LARS1: variants seen among roughly 807,000 people sequenced by gnomAD.
LARS1 encodes leucyl-tRNA synthetase 1.
A neutral mutation model predicts 162.8 loss-of-function variants in LARS1; 100 were observed. The observed-to-expected ratio is 0.61, with a 90% CI of 0.52 to 0.73. LARS1 has a LOEUF of 0.73. Ranked by LOEUF, LARS1 falls within the 30% of genes least tolerant of loss-of-function variation. The probability of loss-of-function intolerance (pLI) is 0.00; values close to 1 mark genes in which losing one functional copy is unlikely to be tolerated. For missense variants in LARS1, 1,258 were observed against 1,408.9 expected (o/e 0.89, Z 1.71); for synonymous variants, 457 against 462.8 (o/e 0.99, Z 0.16).
chr5:146,172,283 C>T (rs1412865561), intron 3 of LARS1, among the ~76,000 whole-genome samples: 3 of 152,068 alleles, frequency 2.0e-5, no homozygotes, highest in Non-Finnish European at 4.4e-5. Context: ...TTTCAGAGGC[C>T]GAGGCTGGTG....
chr5:146,114,252 G>A lies in LARS1; in HGVS notation c.3385C>T (p.Pro1129Ser), dbSNP rs765125271. 6.2e-6 allele frequency: 10 copies of A among 1,613,622 alleles called. No homozygotes were observed. The South Asian group carries it at 1.1e-4, about 18-fold the overall frequency. ...DDPLLGPRRVPVLGKEYTEKT... is the reference protein window; with the variant it reads ...DDPLLGPRRVSVLGKEYTEKT... The stretch of plus-strand genomic sequence containing the variant: ...TCGGTGTACTCCTTTCCCAGGACAG[G>A]AACTCGTCGAGGCCCCAACAGTGGA... Residue 1129 changes from proline to serine, a missense_variant, in exon 32 of 32, where the codon CCT becomes TCT. Coordinates refer to ENST00000394434, the MANE Select transcript of LARS1 (RefSeq NM_020117.11).
At chr5:146,124,691 C>G (rs929944012) in intron 28 of LARS1, among the ~76,000 whole-genome samples, 1 of 151,788 alleles carries the variant, frequency 6.6e-6, no homozygotes, top group African/African-American at 2.4e-5. Flanking sequence ...TCCTAGAGAT[C>G]CAAGTACATA....
At chr5:146,177,717 A>G (rs1410451809) in intron 1 of LARS1, 52 bp from the exon 2 acceptor site, 1 of 941,976 alleles carries the variant, frequency 1.1e-6, no homozygotes, top group African/African-American at 1.7e-5. Context: ...CGCTTGCTTT[A>G]AAAAAGAATT....
chr5:146,172,090 C>A, intron 3 of LARS1, 100 bp from the exon 4 acceptor site: 1 of 1,043,744 alleles, frequency 9.6e-7, no homozygotes, highest in Non-Finnish European at 1.4e-6. Flanking sequence ...TCTTTACATC[C>A]TCCTTTGGAA....
chr5:146,154,014 G>A (rs1265992223), intron 10 of LARS1, 34 bp from the exon 11 acceptor site: 2 of 1,394,800 alleles, frequency 1.4e-6, no homozygotes, highest in South Asian at 1.2e-5. Flanking sequence ...AAAAGGTGAA[G>A]TAATTCATTG....
chr5:146,151,693 C>T (rs1348135849), intron 14 of LARS1, among the ~76,000 whole-genome samples, 169 bp downstream of exon 14: 1 of 152,084 alleles, frequency 6.6e-6, no homozygotes, highest in Non-Finnish European at 1.5e-5. Context: ...AGGCAAAGGA[C>T]ATGATAAAAA....
At position 146,181,848 on chromosome 5, in the gene LARS1, C is replaced by CTTTTTTTTTTTTT. The variant is rs34658033; in HGVS notation, c.6+627_6+639dup. Reference sequence around the variant, plus strand: ...TTTACGGAGAGGCGCTCAATTTTTTCTTTTTTTTTTTTTTTTTTTTTTTTT... The same window carrying CTTTTTTTTTTTTT: ...TTTACGGAGAGGCGCTCAATTTTTTCTTTTTTTTTTTTTTTTTTTTTTTTTTTTTTTTTTTTTT... On this transcript the variant is annotated intron_variant, in intron 1 of 31. Transcript: ENST00000394434. Among the ~76,000 whole-genome samples, 520 of 53,018 alleles carry CTTTTTTTTTTTTT rather than the reference C, an allele frequency of 9.8e-3. 88 individuals carry two copies. Among genetic ancestry groups the CTTTTTTTTTTTTT allele is most frequent in the Middle Eastern group, 0.029 (1 of 34 alleles). The allele number at this position is 53,018 out of a possible 152,430, so 34.8% of individuals were successfully genotyped here.
rs756471679 is a variant in LARS1, at chr5:146,179,287, G to A, written c.7-1622C>T. Among the ~76,000 whole-genome samples, 22 of 151,942 alleles carry A rather than the reference G, an allele frequency of 1.4e-4. No individual in the cohort carries two copies. The South Asian group carries it at 1.5e-3, about 10-fold the overall frequency. On this transcript the variant is annotated intron_variant, in intron 1 of 31. Transcript: ENST00000394434. ...AGCAATTCTCCTGCCTCAGCCTCCCGAGCAGCTGGGATTACAGGTGCGTGC... is the reference window on the plus strand; with the variant it reads ...AGCAATTCTCCTGCCTCAGCCTCCCAAGCAGCTGGGATTACAGGTGCGTGC...
At chr5:146,170,581 G>T (rs1754218814) in intron 4 of LARS1, among the ~76,000 whole-genome samples, 1 of 152,144 alleles carries the variant, frequency 6.6e-6, no homozygotes. Context: ...ATTTCTTGGA[G>T]GGGATAACAG....
intron 19 of LARS1, 129 bp downstream of exon 19, chr5:146,143,283 T>C (rs374090546): frequency 2.0e-5 from 25 of 1,248,592 alleles, no homozygotes; most frequent in Middle Eastern, 2.0e-4. Context: ...CCCAGTTCAA[T>C]AGTAAAAAAG....
rs915598735 is a variant in LARS1, at chr5:146,175,576, A to G, written c.125+1971T>C. Among the ~76,000 whole-genome samples the G allele has an allele frequency of 2.0e-5, 3 of 150,214 alleles. No homozygotes were observed. The Admixed American group carries it at 2.0e-4, about 10-fold the overall frequency. ...AAAAAAAGGCCGGGCGCAGTGGCTC[A>G]CGCCTGTAATCCCAGCACTTTGGAA... On this transcript the variant is annotated intron_variant, in intron 2 of 31. Coordinates refer to ENST00000394434, the MANE Select transcript of LARS1 (RefSeq NM_020117.11).
In LARS1 at chr5:146,118,559, G is replaced by A. The variant is rs78418022; in HGVS notation, c.3325+1812C>T. ...AGAAATGATAAATGTTTGAGGTGATGGATATGTTAATTATCCTAATTTGAT... is the reference window on the plus strand; with the variant it reads ...AGAAATGATAAATGTTTGAGGTGATAGATATGTTAATTATCCTAATTTGAT... On this transcript the variant is annotated intron_variant, in intron 31 of 31. Transcript: ENST00000394434. Among the ~76,000 whole-genome samples the A allele has an allele frequency of 3.6e-4, 55 of 152,254 alleles. 1 individual carries two copies. The East Asian group carries it at 0.011, about 29-fold the overall frequency.
chr5:146,140,434 CTACA>C (rs1468101542), intron 20 of LARS1, among the ~76,000 whole-genome samples, 173 bp from the exon 21 acceptor site: 1 of 152,152 alleles, frequency 6.6e-6, no homozygotes, highest in Non-Finnish European at 1.5e-5. Flanking sequence ...AAAGGACTGG[CTACA>C]TAAACTAGGA....
intron 24 of LARS1, 189 bp downstream of exon 24, chr5:146,130,830 A>G (rs1003804063): frequency 2.3e-6 from 1 of 432,224 alleles, no homozygotes; most frequent in Non-Finnish European, 4.1e-6. Context: ...TTAAATGGAC[A>G]CAATAGAAAA....
rs1030926236 is a variant in LARS1, at chr5:146,113,308, C to A, written c.*798G>T. Reference sequence around the variant, plus strand: ...TCAAACTCCTGACCTCAGGTGACTGCCCACCTTGGCCTCCCAAAGTGCTGG... The same window carrying A: ...TCAAACTCCTGACCTCAGGTGACTGACCACCTTGGCCTCCCAAAGTGCTGG... On this transcript the variant is annotated 3_prime_UTR_variant, in exon 32 of 32. Transcript: ENST00000394434. 6.6e-6 allele frequency: 1 copy of A among 151,424 alleles called. No homozygotes were observed. Among genetic ancestry groups the A allele is most frequent in the East Asian group, 1.9e-4 (1 of 5,172 alleles). The allele number at this position is 151,424 out of a possible 1,614,324, so 9.4% of individuals were successfully genotyped here. A position where few individuals can be genotyped will look rare whatever the true frequency, so the allele number is the denominator to read the frequency against.
chr5:146,157,709 ATT>A lies in LARS1; in HGVS notation c.839+17_839+18del. The A allele has an allele frequency of 6.2e-7, 1 of 1,613,918 alleles. No individual in the cohort carries two copies. The highest frequency in any genetic ancestry group is 1.7e-5 in the Admixed American group (1 of 60,016). On this transcript the variant is annotated intron_variant, in intron 9 of 31. Coordinates refer to ENST00000394434, the MANE Select transcript of LARS1 (RefSeq NM_020117.11). Reference sequence around the variant, plus strand: ...CTGATGGTTCAGAAATGATAAAGCAATTACTCTGGCAAACCTACCTTAATTTA... The same window carrying A: ...CTGATGGTTCAGAAATGATAAAGCAAACTCTGGCAAACCTACCTTAATTTA...
chr5:146,172,827 CT>C lies in LARS1; in HGVS notation c.126-54del, dbSNP rs1663918049. The C allele has an allele frequency of 8.3e-6, 8 of 959,226 alleles. No homozygotes were observed. In the South Asian group the frequency reaches 1.6e-4, roughly 19 times the overall value. The allele number at this position is 959,226 out of a possible 1,614,324, so 59.4% of individuals were successfully genotyped here. A position where few individuals can be genotyped will look rare whatever the true frequency, so the allele number is the denominator to read the frequency against. On this transcript the variant is annotated intron_variant, in intron 2 of 31. Coordinates refer to ENST00000394434, the MANE Select transcript of LARS1 (RefSeq NM_020117.11). ...GTACAGAAGAATAAATGTTAAGTTC[CT>C]TTTACAATAAGGAAGTGGGGTGAAG... is the stretch of plus-strand genomic sequence containing the variant.
chr5:146,157,534 T>G lies in LARS1; in HGVS notation c.934A>C (p.Lys312Gln). The G allele has an allele frequency of 6.2e-7, 1 of 1,614,148 alleles. No individual in the cohort carries two copies. The highest frequency in any genetic ancestry group is 1.1e-5 in the South Asian group (1 of 91,082). The change falls in exon 10 of 32, where the codon AAG becomes CAG. Residue 312 changes from lysine (K) to glutamine (Q), a missense_variant. Physicochemically the swap from Lys to Gln is moderately conservative, Grantham distance 53. Transcript: ENST00000394434. ...QTNCWVRPDM[K>Q]YIGFETVNGD... is the part of the protein sequence containing the mutation. ...TTCACCGTCTCAAATCCAATGTACT[T>G]CATATCAGGACGAACCCAACAATTT...
In LARS1 at chr5:146,168,115, A is replaced by C. The variant is rs765298225; in HGVS notation, c.432+13T>G. The C allele has an allele frequency of 7.6e-5, 120 of 1,585,004 alleles. No individual in the cohort carries two copies. Among genetic ancestry groups the C allele is most frequent in the Non-Finnish European group, 1.0e-4 (116 of 1,160,796 alleles). On this transcript the variant is annotated intron_variant, in intron 5 of 31. Coordinates refer to ENST00000394434, the MANE Select transcript of LARS1 (RefSeq NM_020117.11). ...AAAACTTCAACCAACATAAATATCA[A>C]CCACTATCAAACCTTTTTTCCTTTA...
Sources: gnomAD v4.1 joint callset for allele counts (sites outside exome capture counted in the v4.1 genomes callset) on GRCh38, gnomAD v4.1.1 for gene constraint, MANE v1.5 for transcripts, NCBI Gene and HGNC (gene_info 2026-07-23, HGNC 2026-07-21) for gene names.